GNG7: variants seen among roughly 807,000 people sequenced by gnomAD.
GNG7 encodes G protein subunit gamma 7.
A neutral mutation model predicts 4.0 loss-of-function variants in GNG7; 1 was observed. The ratio of observed to expected loss-of-function variants is 0.25; its 90% CI spans 0.09 to 1.18. The LOEUF (loss-of-function observed/expected upper bound fraction) is 1.18, where lower values mean the gene tolerates loss of function less well. Ranked by LOEUF, GNG7 falls within the 50% of genes most tolerant of loss-of-function variation. GNG7 has a pLI of 0.50. For synonymous variants in GNG7, 34 were observed against 36.9 expected, an observed-to-expected ratio of 0.92 and a Z score of 0.29; for missense variants, 86 against 91.9, an observed-to-expected ratio of 0.94 and a Z score of 0.26.
At chr19:2,589,260 T>C (rs1173618965) in intron 2 of GNG7, among the ~76,000 whole-genome samples, 2 of 150,996 alleles carry the variant, frequency 1.3e-5, no homozygotes, top group Non-Finnish European at 2.9e-5. Flanking sequence ...TCTCCCTCCG[T>C]GGCCCAGGCT....
chr19:2,573,986 C>T (rs550197185), intron 2 of GNG7, among the ~76,000 whole-genome samples: 19 of 152,328 alleles, frequency 1.2e-4, no homozygotes, highest in Non-Finnish European at 2.6e-4. Flanking sequence ...CCAGCTGCTG[C>T]GAGGTACGGC....
At chr19:2,629,907 T>C (rs1982114100) in intron 2 of GNG7, among the ~76,000 whole-genome samples, 1 of 152,222 alleles carries the variant, frequency 6.6e-6, no homozygotes, top group African/African-American at 2.4e-5. Context: ...TTTTGTACTA[T>C]GGTTACGTAA....
rs572208356 is a variant in GNG7, at chr19:2,521,214, C to T, written c.-37-489G>A. On this transcript the variant is annotated intron_variant, in intron 3 of 4. Coordinates refer to ENST00000382159, the MANE Select transcript of GNG7 (RefSeq NM_052847.3). ...CCGGGAGGTGGAGCTTGCAGTGAGC[C>T]GAGATGGTGCCCCTGCACTCCAGCC... Among the ~76,000 whole-genome samples, 5 of 151,622 alleles carry T rather than the reference C, an allele frequency of 3.3e-5. No homozygotes were observed. The South Asian group carries it at 1.0e-3, about 32-fold the overall frequency.
At chr19:2,520,170 G>A (rs1329994090) in intron 4 of GNG7, among the ~76,000 whole-genome samples, 1 of 152,176 alleles carries the variant, frequency 6.6e-6, no homozygotes, top group East Asian at 1.9e-4. Context: ...GACAGAGCAA[G>A]ACTCCGTCTC....
chr19:2,658,092 C>CT (rs1599446509), intron 1 of GNG7, among the ~76,000 whole-genome samples: 1 of 152,176 alleles, frequency 6.6e-6, no homozygotes, highest in East Asian at 1.9e-4. Context: ...TGGTAGTGGT[C>CT]CCCCGGGCCC....
chr19:2,564,658 G>A (rs570687891), intron 2 of GNG7, among the ~76,000 whole-genome samples: 2 of 152,184 alleles, frequency 1.3e-5, no homozygotes, highest in East Asian at 1.9e-4. Flanking sequence ...GGCAGAGACT[G>A]GGGTGACACG....
At chr19:2,527,136 T>C (rs1978431318) in intron 3 of GNG7, among the ~76,000 whole-genome samples, 1 of 152,126 alleles carries the variant, frequency 6.6e-6, no homozygotes, top group African/African-American at 2.4e-5. Context: ...GAGCCACTGC[T>C]CCCGGCCCTA....
chr19:2,526,425 A>G (rs557808861), intron 3 of GNG7, among the ~76,000 whole-genome samples: 76 of 133,752 alleles, frequency 5.7e-4, no homozygotes, highest in African/African-American at 2.2e-3. Flanking sequence ...TTATAATATA[A>G]ACTTATACTA....
intron 1 of GNG7, among the ~76,000 whole-genome samples, chr19:2,702,382 C>A (rs1429067517): frequency 6.7e-6 from 1 of 149,656 alleles, no homozygotes; most frequent in African/African-American, 2.5e-5. Context: ...CCCGCCCCCT[C>A]CCCAGCTAGC....
intron 3 of GNG7, among the ~76,000 whole-genome samples, chr19:2,541,046 C>A (rs1485088463): frequency 6.6e-6 from 1 of 152,258 alleles, no homozygotes; most frequent in Non-Finnish European, 1.5e-5. Flanking sequence ...CAAGAATGCA[C>A]CCGGCCTGGC....
At chr19:2,678,984 C>T (rs1235729017) in intron 1 of GNG7, among the ~76,000 whole-genome samples, 1 of 152,126 alleles carries the variant, frequency 6.6e-6, no homozygotes, top group Non-Finnish European at 1.5e-5. Flanking sequence ...CAGACTTCAT[C>T]GTTTTCTGAA....
At chr19:2,595,638 G>A (rs1214478437) in intron 2 of GNG7, among the ~76,000 whole-genome samples, 1 of 151,588 alleles carries the variant, frequency 6.6e-6, no homozygotes, top group African/African-American at 2.4e-5. Flanking sequence ...GGGAGGCTGA[G>A]GCAGGAGAAT....
At chr19:2,559,179 C>T (rs974110850) in intron 2 of GNG7, among the ~76,000 whole-genome samples, 5 of 151,990 alleles carry the variant, frequency 3.3e-5, no homozygotes, top group South Asian at 4.1e-4. Flanking sequence ...TATATATCCA[C>T]AGTTGATTAG....
intron 4 of GNG7, among the ~76,000 whole-genome samples, chr19:2,519,590 A>G (rs950360727): frequency 8.0e-6 from 1 of 125,290 alleles, no homozygotes; most frequent in South Asian, 2.9e-4. Flanking sequence ...TGTGCCTCAC[A>G]TGCAAAATTT....
chr19:2,572,003 T>C (rs1199562935), intron 2 of GNG7, among the ~76,000 whole-genome samples: 1 of 152,052 alleles, frequency 6.6e-6, no homozygotes, highest in Non-Finnish European at 1.5e-5. Context: ...CCTCTCTCTT[T>C]GTGTTTTTGT....
chr19:2,542,881 CTTTTT>C (rs60152060), intron 3 of GNG7, among the ~76,000 whole-genome samples: 25 of 118,338 alleles, frequency 2.1e-4, no homozygotes, highest in Non-Finnish European at 3.1e-4. Flanking sequence ...TGCTGTTTTC[CTTTTT>C]TTTTTTTTTT....
intron 4 of GNG7, among the ~76,000 whole-genome samples, chr19:2,518,788 G>GT (rs1978294150): frequency 6.6e-6 from 1 of 151,986 alleles, no homozygotes; most frequent in Non-Finnish European, 1.5e-5. Context: ...TTGGTTAAAT[G>GT]TTTTTTTGTT....
intron 3 of GNG7, among the ~76,000 whole-genome samples, chr19:2,524,620 ATG>A (rs1186738864): frequency 2.0e-5 from 3 of 152,178 alleles, no homozygotes; most frequent in Non-Finnish European, 4.4e-5. Flanking sequence ...GTACATGTGC[ATG>A]TGTCTATATG....
In GNG7 at chr19:2,592,810, AAGAAAGAG is replaced by A. The variant is rs1471792697; in HGVS notation, c.-77-37630_-77-37623del. Among the ~76,000 whole-genome samples, 185 of 110,174 alleles carry A rather than the reference AAGAAAGAG, an allele frequency of 1.7e-3. 2 individuals carry two copies. The highest frequency in any genetic ancestry group is 0.01 in the South Asian group (32 of 3,162). The allele number at this position is 110,174 out of a possible 152,430, so 72.3% of individuals were successfully genotyped here. A position where few individuals can be genotyped will look rare whatever the true frequency, so the allele number is the denominator to read the frequency against. ...GAGGGAGGGAAGAGAGAAAGAAAGAAAGAAAGAGAGAGAGAGAGAGGGAGGGAGGGAGA... is the reference window on the plus strand; with the variant it reads ...GAGGGAGGGAAGAGAGAAAGAAAGAAAGAGAGAGAGAGGGAGGGAGGGAGA... On this transcript the variant is annotated intron_variant, in intron 2 of 4. Coordinates refer to ENST00000382159, the MANE Select transcript of GNG7 (RefSeq NM_052847.3).
Sources: allele counts gnomAD v4.1 joint callset (sites outside exome capture counted in the v4.1 genomes callset), GRCh38; gene constraint gnomAD v4.1.1; transcripts MANE v1.5; gene names NCBI Gene and HGNC (gene_info 2026-07-23, HGNC 2026-07-21).